The following BTBD2 variants were observed in gnomAD, a reference collection of about 807,000 sequenced individuals.
The protein encoded by BTBD2 is BTB domain containing 2, also known as BTB/POZ domain-containing protein 2.
BTBD2 carries 15 observed loss-of-function variants against 44.0 expected under a neutral mutation model. That is an observed-to-expected ratio of 0.34 (90% CI 0.23 to 0.53). The LOEUF (loss-of-function observed/expected upper bound fraction) is 0.53, where lower values mean the gene tolerates loss of function less well. Among genes scored for constraint, BTBD2 ranks in the 20% least tolerant of loss-of-function variants. The probability of loss-of-function intolerance (pLI) is 0.95; values close to 1 mark genes in which losing one functional copy is unlikely to be tolerated. For synonymous variants in BTBD2, 443 were observed against 335.9 expected (o/e 1.32, Z -3.49); for missense variants, 657 against 746.4 (o/e 0.88, Z 1.39).
chr19:1,986,862 T>C lies in BTBD2; in HGVS notation c.1384A>G (p.Asn462Asp), dbSNP rs752208703. Residue 462 changes from asparagine (N) to aspartate (D), a missense_variant, in exon 8 of 9, where the codon AAC (asparagine) becomes GAC (aspartate). Coordinates refer to ENST00000255608, the MANE Select transcript of BTBD2 (RefSeq NM_017797.4). Reference sequence around the variant, plus strand: ...GTGGCACAGGCCGTGTAGTTGACGTTGGGCAGCACCTCCACCGGCTCCTTG... The same window carrying C: ...GTGGCACAGGCCGTGTAGTTGACGTCGGGCAGCACCTCCACCGGCTCCTTG... ...MFKEPVEVLP[N>D]VNYTACATLK... 65 of 1,611,900 alleles carry C rather than the reference T, an allele frequency of 4.0e-5. No individual in the cohort carries two copies. Among genetic ancestry groups the C allele is most frequent in the Middle Eastern group, 1.6e-4 (1 of 6,068 alleles).
chr19:2,004,548 C>T (rs1383124785), intron 1 of BTBD2, among the ~76,000 whole-genome samples: 2 of 151,926 alleles, frequency 1.3e-5, no homozygotes, highest in East Asian at 1.9e-4. Flanking sequence ...TCGCCCGCCT[C>T]GGCCTCCCGA....
rs1297026938 is a variant in BTBD2, at chr19:1,987,226, C to T, written c.1209G>A (p.Val403=). The change falls in exon 7 of 9, where the codon GTG becomes GTA. Residue 403 remains valine (V), a synonymous_variant. Transcript: ENST00000255608. The part of the protein sequence containing the change: ...IRFSVNKRIF[V]VGFGLYGSIH... ...TGGATCCATACAGCCCAAATCCCAC[C>T]ACGAAGATGCGCTTGTTGACTGAGA... 4 of 1,613,830 alleles carry T rather than the reference C, an allele frequency of 2.5e-6. No homozygotes were observed. In the Admixed American group the frequency reaches 6.7e-5, roughly 27 times the overall value.
At chr19:1,994,064 C>G (rs1164218034) in intron 2 of BTBD2, among the ~76,000 whole-genome samples, 2 of 145,588 alleles carry the variant, frequency 1.4e-5, no homozygotes, top group African/African-American at 5.1e-5. Flanking sequence ...CGCCTGTAAT[C>G]CCAGCACTTT....
intron 1 of BTBD2, among the ~76,000 whole-genome samples, chr19:2,011,033 G>A (rs1476965823): frequency 6.6e-6 from 1 of 152,026 alleles, no homozygotes; most frequent in East Asian, 1.9e-4. Flanking sequence ...AGATGTGTCT[G>A]AGTGACCTTG....
At chr19:1,995,897 C>T (rs781230718) in intron 2 of BTBD2, among the ~76,000 whole-genome samples, 20 of 152,178 alleles carry the variant, frequency 1.3e-4, no homozygotes, top group Admixed American at 3.9e-4. Flanking sequence ...TCTCGTGATC[C>T]GCCCATCTCA....
At chr19:2,012,118 T>A (rs1312354019) in intron 1 of BTBD2, among the ~76,000 whole-genome samples, 1 of 151,724 alleles carries the variant, frequency 6.6e-6, no homozygotes, top group Non-Finnish European at 1.5e-5. Flanking sequence ...CCTCCCAAAG[T>A]GCTGGGATTA....
At chr19:2,009,272 C>T (rs147984689) in intron 1 of BTBD2, among the ~76,000 whole-genome samples, 11 of 151,918 alleles carry the variant, frequency 7.2e-5, no homozygotes, top group Admixed American at 3.9e-4. Flanking sequence ...GATCTTGGCT[C>T]ACTGCAACCT....
intron 4 of BTBD2, 115 bp from the exon 5 acceptor site, chr19:1,990,316 GT>G: frequency 1.7e-6 from 2 of 1,159,196 alleles, no homozygotes; most frequent in South Asian, 1.4e-5. Flanking sequence ...ACTATGGCCC[GT>G]GGCCCAAATC....
chr19:1,986,996 G>A lies in BTBD2; in HGVS notation c.1270-20C>T, dbSNP rs373856064. On this transcript the variant is annotated intron_variant, in intron 7 of 8. Transcript: ENST00000255608. The stretch of plus-strand genomic sequence containing the variant: ...AATAATCTGCGGGGAGGTGGGAAGT[G>A]GGAGGCTCAGGCCTGGGGAGGGCCA... 6.2e-6 allele frequency: 10 copies of A among 1,606,530 alleles called. No homozygotes were observed. Among genetic ancestry groups the A allele is most frequent in the African/African-American group, 1.3e-5 (1 of 74,808 alleles).
chr19:2,015,395 C>A lies in BTBD2; in HGVS notation c.309G>T (p.Val103=). ...AYNWQASKPT[V]QERFAFLFNN... is the part of the protein sequence containing the mutation. ...TGAAGAGGAAGGCGAAGCGCTCCTG[C>A]ACGGTGGGCTTGCTGGCCTGCCAGT... is the stretch of plus-strand genomic sequence containing the variant. The change falls in exon 1 of 9, where the codon GTG becomes GTT. Residue 103 remains valine, a synonymous_variant. Transcript: ENST00000255608. 1 of 1,563,932 alleles carries A rather than the reference C, an allele frequency of 6.4e-7. No homozygotes were observed. The highest frequency in any genetic ancestry group is 8.6e-7 in the Non-Finnish European group (1 of 1,163,438).
chr19:2,015,352 C>T lies in BTBD2; in HGVS notation c.352G>A (p.Asp118Asn). The part of the protein sequence containing the change: ...AFLFNNEVLC[D>N]VHFLVGKGLS... ...CCCTTGCCCACCAGGAAGTGCACGT[C>T]GCACAGCACCTCGTTGTTGAAGAGG... is the stretch of plus-strand genomic sequence containing the variant. Residue 118 changes from aspartate (D) to asparagine (N), a missense_variant, in exon 1 of 9, where the codon GAC (aspartate) becomes AAC (asparagine). Coordinates refer to ENST00000255608, the MANE Select transcript of BTBD2 (RefSeq NM_017797.4). The T allele has an allele frequency of 1.9e-6, 3 of 1,584,792 alleles. No homozygotes were observed. The highest frequency in any genetic ancestry group is 2.6e-6 in the Non-Finnish European group (3 of 1,172,846).
At chr19:1,991,329 C>CT (rs924144778) in intron 3 of BTBD2, 1 of 159,412 alleles carries the variant, frequency 6.3e-6, no homozygotes, top group African/African-American at 2.4e-5. Flanking sequence ...TGGAGGACGC[C>CT]TGTGCTCTTA....
intron 1 of BTBD2, among the ~76,000 whole-genome samples, chr19:2,006,528 A>AAAAAAAAAAAAAAAAAAG (rs1568221825): frequency 6.6e-6 from 1 of 150,596 alleles, no homozygotes; most frequent in African/African-American, 2.5e-5. Flanking sequence ...AAAAGAAAAG[A>AAAAAAAAAAAAAAAAAAG]AAAATCACCC....
chr19:2,015,285 C>G lies in BTBD2; in HGVS notation c.407+12G>C. On this transcript the variant is annotated intron_variant, in intron 1 of 8. Transcript: ENST00000255608. ...GGGTCGGGGCCAGGGCTGGCGGGGT[C>G]GGGGCGCCCACCTGTGCGCGGGGAT... is the stretch of plus-strand genomic sequence containing the variant. 1.3e-6 allele frequency: 2 copies of G among 1,539,796 alleles called. No individual in the cohort carries two copies. The highest frequency in any genetic ancestry group is 8.7e-7 in the Non-Finnish European group (1 of 1,149,392).
intron 1 of BTBD2, among the ~76,000 whole-genome samples, chr19:2,008,589 C>CATTTTTTTTT (rs1204551829): frequency 8.7e-5 from 11 of 126,576 alleles, no homozygotes; most frequent in African/African-American, 3.4e-4. Flanking sequence ...CTGTGCCCAG[C>CATTTTTTTTT]TTTTTTTTTT....
At chr19:2,013,365 C>T (rs958009598) in intron 1 of BTBD2, among the ~76,000 whole-genome samples, 2 of 149,648 alleles carry the variant, frequency 1.3e-5, no homozygotes, top group African/African-American at 4.9e-5. Context: ...GATACTGGGC[C>T]AAACCCACTT....
In BTBD2 at chr19:1,999,821, G is replaced by A. The variant is rs185481720; in HGVS notation, c.408-2358C>T. On this transcript the variant is annotated intron_variant, in intron 1 of 8. Coordinates refer to ENST00000255608, the MANE Select transcript of BTBD2 (RefSeq NM_017797.4). ...TACTAAAAATACAAAAATTAGCTGG[G>A]CGTGGTGGTGGGTGCCTGTAATCCC... is the stretch of plus-strand genomic sequence containing the variant. Among the ~76,000 whole-genome samples, 670 of 152,044 alleles carry A rather than the reference G, an allele frequency of 4.4e-3. 7 individuals are homozygous for A. Among genetic ancestry groups the A allele is most frequent in the African/African-American group, 0.016 (648 of 41,480 alleles).
chr19:1,997,166 C>T (rs1013632213), intron 2 of BTBD2, among the ~76,000 whole-genome samples, 178 bp downstream of exon 2: 3 of 151,694 alleles, frequency 2.0e-5, no homozygotes, highest in Non-Finnish European at 2.9e-5. Context: ...GGCAACAGAG[C>T]GAGACTCCAT....
intron 1 of BTBD2, chr19:2,014,681 C>T (rs1335453852): frequency 7.0e-5 from 5 of 71,576 alleles, no homozygotes; most frequent in Non-Finnish European, 1.1e-4. Context: ...TTCTGGGGTG[C>T]GGGCTGGGTG....
Sources: gnomAD v4.1 joint callset for allele counts (sites outside exome capture counted in the v4.1 genomes callset) on GRCh38, gnomAD v4.1.1 for gene constraint, MANE v1.5 for transcripts, NCBI Gene and HGNC (gene_info 2026-07-23, HGNC 2026-07-21) for gene names.